PRRG1: variants seen among roughly 807,000 people sequenced by gnomAD.
The protein encoded by PRRG1 is transmembrane gamma-carboxyglutamic acid protein 1.
In PRRG1, 5 loss-of-function variants were observed where a neutral mutation model predicts 11.8. The ratio of observed to expected loss-of-function variants is 0.42; its 90% confidence interval spans 0.22 to 0.89. PRRG1 has a LOEUF of 0.89. PRRG1 is among the 40% of genes least tolerant of loss of function. The pLI is 0.28. For synonymous variants in PRRG1, 66 were observed against 60.4 expected, an observed-to-expected ratio of 1.09 and a Z score of -0.43; for missense variants, 155 against 166.1, an observed-to-expected ratio of 0.93 and a Z score of 0.37.
chrX:37,429,098 C>A (rs1773501876), intron 3 of PRRG1, among the ~76,000 whole-genome samples: 1 of 112,065 alleles, frequency 8.9e-6, no homozygotes, highest in Non-Finnish European at 1.9e-5. Flanking sequence ...CCCAGGAAAC[C>A]ATTTTTTCCT....
intron 1 of PRRG1, among the ~76,000 whole-genome samples, chrX:37,352,568 A>AT (rs782202829): frequency 3.1e-4 from 34 of 110,030 alleles, no homozygotes; most frequent in Admixed American, 2.8e-3. Flanking sequence ...CATATTTCTG[A>AT]TTTTTTTTCT....
chrX:37,372,958 G>A (rs1253936694), intron 1 of PRRG1, among the ~76,000 whole-genome samples: 3 of 112,308 alleles, frequency 2.7e-5, no homozygotes, highest in Non-Finnish European at 5.6e-5. Flanking sequence ...AATCCATTAT[G>A]AGTTGATTAT....
intron 2 of PRRG1, among the ~76,000 whole-genome samples, chrX:37,408,415 T>C (rs187408276): frequency 2.4e-3 from 265 of 111,945 alleles, no homozygotes; most frequent in Middle Eastern, 4.6e-3. Flanking sequence ...TGACATAGCC[T>C]GCGAGAAAAC....
At position 37,440,489 on chromosome X, in the gene PRRG1, G is replaced by A. The variant is rs782049585; in HGVS notation, c.172-12647G>A. On this transcript the variant is annotated intron_variant, in intron 3 of 3. Coordinates refer to ENST00000378628, the MANE Select transcript of PRRG1 (RefSeq NM_001142395.2). Reference sequence around the variant, plus strand: ...TCAAGTTCAAGGCAGCTACCTTTTCGTTAAAAGAAACTGATGAGGTTTCAT... The same window carrying A: ...TCAAGTTCAAGGCAGCTACCTTTTCATTAAAAGAAACTGATGAGGTTTCAT... Among the ~76,000 whole-genome samples the A allele has an allele frequency of 8.1e-5, 9 of 111,630 alleles. No individual in the cohort carries two copies. The South Asian group carries it at 2.3e-3, about 28-fold the overall frequency.
In PRRG1 at chrX:37,352,906, C is replaced by T. The variant is rs553689646; in HGVS notation, c.-42+3511C>T. On this transcript the variant is annotated intron_variant, in intron 1 of 3. Transcript: ENST00000378628. ...CTGAAAAACCTGGTGACTTTGTAGC[C>T]TTTGTAATGTCACAGTGCAATGCAT... Among the ~76,000 whole-genome samples, 25 of 111,801 alleles carry T rather than the reference C, an allele frequency of 2.2e-4. 1 individual carries two copies. In the East Asian group the frequency reaches 7.0e-3, roughly 31 times the overall value.
At chrX:37,440,640 G>A (rs1418699147) in intron 3 of PRRG1, 11 of 436,456 alleles carry the variant, frequency 2.5e-5, no homozygotes. Context: ...AGATTATAAA[G>A]ATCCAGGAGG....
intron 1 of PRRG1, among the ~76,000 whole-genome samples, chrX:37,361,280 T>C (rs1224375256): frequency 1.8e-5 from 2 of 108,449 alleles, no homozygotes; most frequent in African/African-American, 6.8e-5. Context: ...AGGCAGAGCT[T>C]GCAGTGAGCC....
intron 2 of PRRG1, among the ~76,000 whole-genome samples, chrX:37,415,634 G>A (rs1317263234): frequency 9.0e-6 from 1 of 111,496 alleles, no homozygotes; most frequent in East Asian, 2.8e-4. Context: ...ATAGTTAAAG[G>A]CATGTGAGGT....
chrX:37,365,175 G>A (rs782279457), intron 1 of PRRG1, among the ~76,000 whole-genome samples: 27 of 111,539 alleles, frequency 2.4e-4, no homozygotes, highest in African/African-American at 7.2e-4. Context: ...AGAAGGAGTC[G>A]GGGGCTCCTT....
intron 1 of PRRG1, among the ~76,000 whole-genome samples, chrX:37,389,018 A>G (rs917578916): frequency 1.8e-5 from 2 of 112,043 alleles, no homozygotes; most frequent in Non-Finnish European, 3.8e-5. Context: ...GATATCCTAA[A>G]TCATCATTGT....
chrX:37,432,109 A>T (rs1390835126), intron 3 of PRRG1, among the ~76,000 whole-genome samples: 1 of 98,810 alleles, frequency 1.0e-5, no homozygotes, highest in Non-Finnish European at 2.0e-5. Context: ...TTTTTTTGAG[A>T]TGGAGTCTCG....
chrX:37,445,778 G>A (rs1241179698), intron 3 of PRRG1, among the ~76,000 whole-genome samples: 2 of 112,582 alleles, frequency 1.8e-5, no homozygotes, highest in African/African-American at 6.4e-5. Context: ...TGGCCTAAAA[G>A]CATATGGCCT....
chrX:37,370,574 C>T (rs1930732565), intron 1 of PRRG1, among the ~76,000 whole-genome samples: 1 of 111,476 alleles, frequency 9.0e-6, no homozygotes, highest in Non-Finnish European at 1.9e-5. Flanking sequence ...AGGCTGGAGC[C>T]CTACCCTCCT....
At chrX:37,394,052 G>A (rs1322916153) in intron 1 of PRRG1, among the ~76,000 whole-genome samples, 3 of 112,317 alleles carry the variant, frequency 2.7e-5, no homozygotes, top group Non-Finnish European at 5.6e-5. Context: ...ATGCAAACAT[G>A]AGTAAGTCCA....
chrX:37,447,209 G>C (rs1459825864), intron 3 of PRRG1, among the ~76,000 whole-genome samples: 4 of 111,864 alleles, frequency 3.6e-5, no homozygotes, highest in Non-Finnish European at 7.5e-5. Context: ...TGGTGTGCTT[G>C]CCTTGTTCAT....
chrX:37,365,217 G>C (rs1386291709), intron 1 of PRRG1, among the ~76,000 whole-genome samples: 2 of 111,412 alleles, frequency 1.8e-5, no homozygotes, highest in Non-Finnish European at 3.8e-5. Flanking sequence ...TGAGCTTCTA[G>C]AGCCCTTCGT....
chrX:37,398,503 AAAGTAGATAAAACCACAAAGAT>A (rs1306003757), intron 1 of PRRG1, among the ~76,000 whole-genome samples: 1 of 111,618 alleles, frequency 9.0e-6, no homozygotes, highest in East Asian at 2.8e-4. Context: ...TCAAAGACCA[AAAGTAGATAAAACCACAAAGAT>A]GGGGAAAAAA....
intron 3 of PRRG1, among the ~76,000 whole-genome samples, chrX:37,446,520 T>G (rs1556395247): frequency 8.9e-6 from 1 of 112,204 alleles, no homozygotes; most frequent in African/African-American, 3.2e-5. Context: ...TGATATGTGA[T>G]GAACTTCCTC....
chrX:37,430,314 A>G (rs1556389749), intron 3 of PRRG1, among the ~76,000 whole-genome samples: 2 of 112,442 alleles, frequency 1.8e-5, no homozygotes, highest in African/African-American at 6.5e-5. Flanking sequence ...GTCTATATGT[A>G]GAAATGTAAA....
Sources: allele counts gnomAD v4.1 joint callset (sites outside exome capture counted in the v4.1 genomes callset), GRCh38; gene constraint gnomAD v4.1.1; transcripts MANE v1.5; gene names NCBI Gene and HGNC (gene_info 2026-07-23, HGNC 2026-07-21).